The following UBE4A variants were observed in gnomAD, a reference collection of about 807,000 sequenced individuals.
UBE4A encodes the protein ubiquitin conjugation factor E4 A.
In UBE4A, 48 loss-of-function variants were observed where a neutral mutation model predicts 117.9. That is an observed-to-expected ratio of 0.41 (90% CI 0.32 to 0.52). The LOEUF (loss-of-function observed/expected upper bound fraction) is 0.52, where lower values mean the gene tolerates loss of function less well. UBE4A is among the 20% of genes least tolerant of loss of function. UBE4A has a pLI of 0.33. For synonymous variants in UBE4A, 407 were observed against 450.0 expected (o/e 0.90, Z 1.21); for missense variants, 1,067 against 1,296.3 (o/e 0.82, Z 2.72).
chr11:118,389,918 G>A lies in UBE4A; in HGVS notation c.2768+13G>A. Reference sequence around the variant, plus strand: ...ACTTAAATCTTGGGTACCTGAGATTGAAATCTGTCAAGCCAGAGGGGATGC... The same window carrying A: ...ACTTAAATCTTGGGTACCTGAGATTAAAATCTGTCAAGCCAGAGGGGATGC... On this transcript the variant is annotated intron_variant, in intron 17 of 19. Coordinates refer to ENST00000252108, the MANE Select transcript of UBE4A (RefSeq NM_001204077.2). 6.4e-7 allele frequency: 1 copy of A among 1,558,912 alleles called. No individual in the cohort carries two copies. Among genetic ancestry groups the A allele is most frequent in the Non-Finnish European group, 8.8e-7 (1 of 1,140,080 alleles).
At chr11:118,382,191 C>T (rs1484998566) in intron 12 of UBE4A, among the ~76,000 whole-genome samples, 1 of 152,132 alleles carries the variant, frequency 6.6e-6, no homozygotes, top group Non-Finnish European at 1.5e-5. Context: ...ACACTGTATG[C>T]GTCATGGGTA....
intron 5 of UBE4A, 80 bp from the exon 6 acceptor site, chr11:118,372,427 T>C (rs1250299017): frequency 4.2e-6 from 6 of 1,430,110 alleles, no homozygotes; most frequent in Middle Eastern, 1.8e-4. Context: ...AGTATGTCTC[T>C]TCTATTGTAT....
In UBE4A at chr11:118,398,921, T is replaced by C. The variant is rs1251170339; in HGVS notation, c.*2481T>C. On this transcript the variant is annotated 3_prime_UTR_variant, in exon 20 of 20. Coordinates refer to ENST00000252108, the MANE Select transcript of UBE4A (RefSeq NM_001204077.2). ...ACACTCTACAAAAGCTTCATTACTT[T>C]ATTTGATGGTGGTTGCTAAGCAGCC... 7.0e-6 allele frequency: 2 copies of C among 285,804 alleles called. No homozygotes were observed. Among genetic ancestry groups the C allele is most frequent in the Non-Finnish European group, 1.5e-5 (2 of 136,258 alleles). 17.7% of individuals were successfully genotyped at this position (285,804 alleles called of 1,614,324 possible). A position where few individuals can be genotyped will look rare whatever the true frequency, so the allele number is the denominator to read the frequency against.
At chr11:118,361,915 A>T (rs1948523649) in intron 1 of UBE4A, among the ~76,000 whole-genome samples, 1 of 152,258 alleles carries the variant, frequency 6.6e-6, no homozygotes, top group Non-Finnish European at 1.5e-5. Context: ...GAATAATCAG[A>T]TATGAACATG....
At chr11:118,388,410 G>A (rs1555127598) in intron 16 of UBE4A, among the ~76,000 whole-genome samples, 1 of 151,860 alleles carries the variant, frequency 6.6e-6, no homozygotes. Flanking sequence ...CAGCACTTTG[G>A]GAGGTCGAGG....
chr11:118,377,422 T>C (rs1005042794), intron 10 of UBE4A, among the ~76,000 whole-genome samples: 1 of 151,884 alleles, frequency 6.6e-6, no homozygotes, highest in Non-Finnish European at 1.5e-5. Context: ...TTGGCCAGGC[T>C]GGTCTCGAAC....
At chr11:118,371,793 G>C (rs1327856815) in intron 5 of UBE4A, 127 bp downstream of exon 5, 2 of 1,013,136 alleles carry the variant, frequency 2.0e-6, no homozygotes, top group East Asian at 5.1e-5. Context: ...GTGAATATCA[G>C]GGACACTAAA....
In UBE4A at chr11:118,397,469, C is replaced by T. The variant is rs1375473987; in HGVS notation, c.*1029C>T. ...TTTGTTTGAGCTTGTGACCTGACTT[C>T]TAAGAGCTACTTCTAACACAGCCTT... On this transcript the variant is annotated 3_prime_UTR_variant, in exon 20 of 20. Coordinates refer to ENST00000252108, the MANE Select transcript of UBE4A (RefSeq NM_001204077.2). The T allele has an allele frequency of 6.6e-6, 1 of 152,188 alleles. No individual in the cohort carries two copies. Among genetic ancestry groups the T allele is most frequent in the Non-Finnish European group, 1.5e-5 (1 of 68,050 alleles). 9.4% of individuals were successfully genotyped at this position (152,188 alleles called of 1,614,324 possible). A position where few individuals can be genotyped will look rare whatever the true frequency, so the allele number is the denominator to read the frequency against.
rs571720231 is a variant in UBE4A, at chr11:118,367,546, A to T, written c.122-1085A>T. ...TTTTTTTTTTTTTTTTTTGAGACGA[A>T]GTCTTGCTCTGTCACCGAGGCTGGA... On this transcript the variant is annotated intron_variant, in intron 2 of 19. Coordinates refer to ENST00000252108, the MANE Select transcript of UBE4A (RefSeq NM_001204077.2). 9.6e-5 allele frequency among the ~76,000 whole-genome samples: 14 copies of T among 145,218 alleles called. No homozygotes were observed. In the South Asian group the frequency reaches 2.8e-3, roughly 30 times the overall value.
intron 17 of UBE4A, among the ~76,000 whole-genome samples, 150 bp from the exon 18 acceptor site, chr11:118,390,487 AAAATAATATTTATATATTAT>A (rs145307586): frequency 0.17 from 24,784 of 146,134 alleles, 2,621 homozygotes; most frequent in East Asian, 0.51. Context: ...AATAAATAAT[AAAATAATATTTATATATTAT>A]AAATAATATA....
chr11:118,373,250 ATTC>A lies in UBE4A; in HGVS notation c.891_893del (p.Leu298del). Reference sequence around the variant, plus strand: ...GATCCTTTTGTATGCATATCTGGATATTCTTCTCTATTTCACTAGGCAAAAAGA... The same window carrying A: ...GATCCTTTTGTATGCATATCTGGATATTCTCTATTTCACTAGGCAAAAAGA... On this transcript the variant is annotated inframe_deletion, in exon 7 of 20. Transcript: ENST00000252108. 6.2e-7 allele frequency: 1 copy of A among 1,613,112 alleles called. No individual in the cohort carries two copies. Among genetic ancestry groups the A allele is most frequent in the Non-Finnish European group, 8.5e-7 (1 of 1,179,964 alleles).
At chr11:118,395,543 C>T (rs1948863034) in intron 19 of UBE4A, among the ~76,000 whole-genome samples, 2 of 152,178 alleles carry the variant, frequency 1.3e-5, no homozygotes, top group Admixed American at 6.5e-5. Context: ...AAACCATAAT[C>T]TGCATGTACT....
At chr11:118,388,267 G>A (rs782405488) in intron 16 of UBE4A, among the ~76,000 whole-genome samples, 5 of 152,164 alleles carry the variant, frequency 3.3e-5, no homozygotes, top group Non-Finnish European at 7.4e-5. Context: ...TTATGATACT[G>A]TCTGACTTGT....
intron 13 of UBE4A, 56 bp from the exon 14 acceptor site, chr11:118,384,579 A>T: frequency 4.6e-6 from 7 of 1,506,742 alleles, no homozygotes; most frequent in Non-Finnish European, 6.4e-6. Flanking sequence ...CATAAGCATA[A>T]ACTCTTCCTC....
In UBE4A at chr11:118,379,524, T is replaced by C. The variant is rs782529245; in HGVS notation, c.1650T>C (p.Ser550=). The C allele has an allele frequency of 6.8e-6, 11 of 1,614,124 alleles. No individual in the cohort carries two copies. The highest frequency in any genetic ancestry group is 3.3e-4 in the Middle Eastern group (2 of 6,082). The change falls in exon 11 of 20, where the codon TCT becomes TCC. Residue 550 remains serine (S), a synonymous_variant. Transcript: ENST00000252108. ...CCTGGCGGGATGCTCAGCAAAGTTC[T>C]AGCCCTGCTGCTGACAATCTTCGTG... The part of the protein sequence containing the change: ...QVAWRDAQQS[S]SPAADNLREQ...
rs1349177857 is a variant in UBE4A, at chr11:118,398,319, A to G, written c.*1879A>G. 1 of 152,530 alleles carries G rather than the reference A, an allele frequency of 6.6e-6. No individual in the cohort carries two copies. Among genetic ancestry groups the G allele is most frequent in the East Asian group, 1.9e-4 (1 of 5,204 alleles). 9.4% of individuals were successfully genotyped at this position (152,530 alleles called of 1,614,324 possible). On this transcript the variant is annotated 3_prime_UTR_variant, in exon 20 of 20. Coordinates refer to ENST00000252108, the MANE Select transcript of UBE4A (RefSeq NM_001204077.2). ...GTATTCTTCTGTATTTAACCTTCAG[A>G]TTGTAAGCCTTTTCTGGCAAGCTTT...
In UBE4A at chr11:118,396,486, A is replaced by G. The variant is rs781918587; in HGVS notation, c.*46A>G. ...CAAAACCAACCCCAGAGTGCAGATA[A>G]ACAATTGTTTGTGGTTTCTCTCTTT... On this transcript the variant is annotated 3_prime_UTR_variant, in exon 20 of 20. Coordinates refer to ENST00000252108, the MANE Select transcript of UBE4A (RefSeq NM_001204077.2). 2.4e-5 allele frequency: 38 copies of G among 1,579,606 alleles called. No individual in the cohort carries two copies. Among genetic ancestry groups the G allele is most frequent in the Non-Finnish European group, 3.3e-5 (38 of 1,167,196 alleles).
intron 4 of UBE4A, 108 bp downstream of exon 4, chr11:118,369,643 T>C: frequency 3.3e-6 from 2 of 611,480 alleles, no homozygotes; most frequent in Non-Finnish European, 5.5e-6. Flanking sequence ...TCCATCCCTC[T>C]CTCTTTTTTT....
chr11:118,361,981 C>T (rs1948524183), intron 1 of UBE4A, among the ~76,000 whole-genome samples: 2 of 152,118 alleles, frequency 1.3e-5, no homozygotes, highest in Non-Finnish European at 2.9e-5. Flanking sequence ...AAATACAATG[C>T]AGAAAGTTTA....
Sources: allele counts gnomAD v4.1 joint callset (sites outside exome capture counted in the v4.1 genomes callset), GRCh38; gene constraint gnomAD v4.1.1; transcripts MANE v1.5; gene names NCBI Gene and HGNC (gene_info 2026-07-23, HGNC 2026-07-21).